TGFB3: variants seen among roughly 807,000 people sequenced by gnomAD.
TGFB3 encodes the protein transforming growth factor beta-3 proprotein.
Under a neutral mutation model 40.1 loss-of-function variants are expected in TGFB3, and 5 were observed. The observed-to-expected ratio is 0.12, with a 90% confidence interval of 0.07 to 0.26. The LOEUF is 0.26. TGFB3 is among the 10% of genes least tolerant of loss of function. The pLI is 1.00. For missense variants in TGFB3, 373 were observed against 530.1 expected (o/e 0.70, Z 2.91); for synonymous variants, 184 against 205.6 (o/e 0.89, Z 0.90).
chr14:75,973,267 C>T (rs892973031), intron 1 of TGFB3, among the ~76,000 whole-genome samples: 1 of 152,212 alleles, frequency 6.6e-6, no homozygotes, highest in African/African-American at 2.4e-5. Context: ...CAGGAAGGAT[C>T]AGAGGCCTGG....
Position 75,981,023 on chromosome 14 carries a change from G to A in TGFB3, c.-130C>T, listed in dbSNP as rs2035424440. The A allele has an allele frequency of 1.2e-6, 1 of 838,164 alleles. No homozygotes were observed. The highest frequency in any genetic ancestry group is 2.6e-5 in the East Asian group (1 of 38,894). The allele number at this position is 838,164 out of a possible 1,614,324, so 51.9% of individuals were successfully genotyped here. ...CCCAAAGACTGAGGCTTGGCAAGAA[G>A]GTGCATGAACTCACTGCACTGCGAG... On this transcript the variant is annotated 5_prime_UTR_variant, in exon 1 of 7. Coordinates refer to ENST00000238682, the MANE Select transcript of TGFB3 (RefSeq NM_003239.5). This position sits in a 1 kb window ranked among gnomAD's most constrained non-coding sequence, Gnocchi z 4.7.
At position 75,959,350 on chromosome 14, in the gene TGFB3, G is replaced by GA; in HGVS notation, c.1081-6dup. On this transcript the variant is annotated splice_polypyrimidine_tract_variant and splice_region_variant and intron_variant, in intron 6 of 6. Coordinates refer to ENST00000238682, the MANE Select transcript of TGFB3 (RefSeq NM_003239.5). ...AGTGTTGTACAGTCCCAGCACCTGGGAAGGGACATGTCAGTGAGAGGTTGG... is the reference window on the plus strand; with the variant it reads ...AGTGTTGTACAGTCCCAGCACCTGGGAAAGGGACATGTCAGTGAGAGGTTGG... The GA allele has an allele frequency of 6.2e-7, 1 of 1,613,978 alleles. No individual in the cohort carries two copies. Among genetic ancestry groups the GA allele is most frequent in the Non-Finnish European group, 8.5e-7 (1 of 1,179,906 alleles).
At chr14:75,967,990 C>T (rs1410372254) in intron 3 of TGFB3, among the ~76,000 whole-genome samples, 1 of 152,118 alleles carries the variant, frequency 6.6e-6, no homozygotes, top group Non-Finnish European at 1.5e-5. Flanking sequence ...TGAGAGGCTC[C>T]CTCCCCAGCC....
chr14:75,982,695 G>A (rs1171043855), upstream of TGFB3: 1 of 151,938 alleles, frequency 6.6e-6, no homozygotes, highest in African/African-American at 2.4e-5. This position sits in a 1 kb window ranked among gnomAD's most constrained non-coding sequence, Gnocchi z 4.0. Flanking sequence ...GGTGGGGGCT[G>A]AGGGGCGGGA....
At chr14:75,960,892 G>A (rs2035147818) in intron 6 of TGFB3, 31 bp downstream of exon 6, 1 of 1,613,772 alleles carries the variant, frequency 6.2e-7, no homozygotes, top group Non-Finnish European at 8.5e-7. Flanking sequence ...GTCAGCCCCA[G>A]TGCCTCAGAT....
intron 5 of TGFB3, chr14:75,963,024 G>C: frequency 1.9e-6 from 1 of 518,090 alleles, no homozygotes; most frequent in East Asian, 3.6e-5. Context: ...CTTTGACCAA[G>C]CCTCTCCAAT....
chr14:75,969,708 C>G (rs1446020363), intron 3 of TGFB3, among the ~76,000 whole-genome samples: 1 of 152,138 alleles, frequency 6.6e-6, no homozygotes, highest in Non-Finnish European at 1.5e-5. Flanking sequence ...GACGACCCGG[C>G]CTTTTAAACT....
chr14:75,972,108 G>A (rs1033063939), intron 1 of TGFB3, among the ~76,000 whole-genome samples: 3 of 152,180 alleles, frequency 2.0e-5, no homozygotes, highest in African/African-American at 2.4e-5. Flanking sequence ...TGATTTATTC[G>A]TGTGTTTGTT....
upstream of TGFB3, among the ~76,000 whole-genome samples, chr14:75,982,374 G>C (rs1055597459): frequency 6.6e-6 from 1 of 152,164 alleles, no homozygotes; most frequent in Non-Finnish European, 1.5e-5. The surrounding 1 kb of genome is among the most constrained non-coding windows in gnomAD (Gnocchi z 4.0). Flanking sequence ...CCGCGGGCCA[G>C]GCCCAACCCG....
chr14:75,961,522 T>G (rs1332630288), intron 5 of TGFB3, among the ~76,000 whole-genome samples: 1 of 152,158 alleles, frequency 6.6e-6, no homozygotes, highest in Non-Finnish European at 1.5e-5. Flanking sequence ...TGAGACTCAA[T>G]CCAAAGGCCA....
rs201063101 is a variant in TGFB3 at position 75,971,213 on chromosome 14, C to G, written c.559G>C (p.Gly187Arg). 1 of 1,614,102 alleles carries G rather than the reference C, an allele frequency of 6.2e-7. No individual in the cohort carries two copies. The highest frequency in any genetic ancestry group is 2.2e-5 in the East Asian group (1 of 44,888). ...CCCCGTGTGGGCAGATTCTTGCCAC[C>G]GATATAGCGCTGTTTGGCAATGTGC... ...DEHIAKQRYI[G>R]GKNLPTRGTA... Residue 187 changes from glycine to arginine, a missense_variant, in exon 3 of 7, where the codon GGT becomes CGT. Gly to Arg is a moderately radical substitution (Grantham distance 125). Transcript: ENST00000238682. This position sits in a 1 kb window ranked among gnomAD's most constrained non-coding sequence, Gnocchi z 4.5.
Position 75,971,477 on chromosome 14 carries a change from T to C in TGFB3, c.516+78A>G, listed in dbSNP as rs1054239311. Reference sequence around the variant, plus strand: ...ATTCAAACCCAGGTCTGCCAAACGCTGCACCCAGTGGTGCCCTGATATGGC... The same window carrying C: ...ATTCAAACCCAGGTCTGCCAAACGCCGCACCCAGTGGTGCCCTGATATGGC... On this transcript the variant is annotated intron_variant, in intron 2 of 6. Transcript: ENST00000238682. This position sits in a 1 kb window ranked among gnomAD's most constrained non-coding sequence, Gnocchi z 4.5. The C allele has an allele frequency of 5.7e-6, 9 of 1,592,648 alleles. No individual in the cohort carries two copies. The African/African-American group carries it at 1.1e-4, about 19-fold the overall frequency.
chr14:75,979,280 C>G lies in TGFB3; in HGVS notation c.352+1262G>C, dbSNP rs2035392767. Among the ~76,000 whole-genome samples the G allele has an allele frequency of 1.3e-5, 2 of 152,188 alleles. No individual in the cohort carries two copies. The highest frequency in any genetic ancestry group is 1.3e-4 in the Admixed American group (2 of 15,282). ...GCTGGTCCACCCATCGGTACCCACT[C>G]CTGTTCCTTCTCTCCAGCCAGGTTC... is the stretch of plus-strand genomic sequence containing the variant. On this transcript the variant is annotated intron_variant, in intron 1 of 6. Coordinates refer to ENST00000238682, the MANE Select transcript of TGFB3 (RefSeq NM_003239.5). The surrounding 1 kb of genome is among the most constrained non-coding windows in gnomAD (Gnocchi z 4.8).
chr14:75,975,571 A>G (rs1003676274), intron 1 of TGFB3, among the ~76,000 whole-genome samples: 5 of 152,202 alleles, frequency 3.3e-5, no homozygotes, highest in Admixed American at 3.3e-4. Flanking sequence ...TGACCTTCTA[A>G]CAACCCCTGA....
intron 1 of TGFB3, among the ~76,000 whole-genome samples, chr14:75,976,767 C>T (rs752378649): frequency 3.3e-5 from 5 of 152,180 alleles, no homozygotes; most frequent in Non-Finnish European, 7.3e-5. Flanking sequence ...GACCAAGTGT[C>T]CTGGTGCAGT....
Position 75,980,944 on chromosome 14 carries a change from A to G in TGFB3, c.-51T>C. The G allele has an allele frequency of 5.2e-6, 8 of 1,539,904 alleles. No homozygotes were observed. The highest frequency in any genetic ancestry group is 7.2e-6 in the Non-Finnish European group (8 of 1,116,072). ...GGGACGGCAAGGCCTGGAGAGGAAG[A>G]GACCCCAGCAGACGTGCAGAAGGAG... On this transcript the variant is annotated 5_prime_UTR_variant, in exon 1 of 7. Transcript: ENST00000238682. The surrounding 1 kb of genome is among the most constrained non-coding windows in gnomAD (Gnocchi z 4.3).
chr14:75,960,890 C>G (rs2035147753), intron 6 of TGFB3, 33 bp downstream of exon 6: 1 of 1,613,724 alleles, frequency 6.2e-7, no homozygotes, highest in Non-Finnish European at 8.5e-7. Context: ...CGGTCAGCCC[C>G]AGTGCCTCAG....
chr14:75,976,061 T>C (rs776837255), intron 1 of TGFB3, among the ~76,000 whole-genome samples: 36 of 152,242 alleles, frequency 2.4e-4, no homozygotes, highest in South Asian at 1.0e-3. Context: ...ACAGTATGCA[T>C]GGAAAAACCA....
intron 5 of TGFB3, chr14:75,963,055 T>C (rs1018383913): frequency 3.5e-6 from 2 of 575,964 alleles, no homozygotes; most frequent in South Asian, 4.0e-5. Flanking sequence ...TTAGCAACAC[T>C]CCTCCTCACA....
Sources: allele counts gnomAD v4.1 joint callset (sites outside exome capture counted in the v4.1 genomes callset), GRCh38; gene constraint gnomAD v4.1.1; non-coding constraint Gnocchi (gnomAD v3.1); transcripts MANE v1.5; gene names NCBI Gene and HGNC (gene_info 2026-07-23, HGNC 2026-07-21).